Variants in ENTREP2 observed in about 807,000 individuals in gnomAD.
The protein encoded by ENTREP2 is endosomal transmembrane epsin interactor 2.
the ENTREP2 span, among the ~76,000 whole-genome samples, chr15:29,404,495 C>T: frequency 6.6e-6 from 1 of 152,014 alleles, no homozygotes; most frequent in Non-Finnish European, 1.5e-5. Flanking sequence ...ACCCAGCAGG[C>T]TGACACTGAT....
chr15:29,343,034 G>A, the ENTREP2 span, among the ~76,000 whole-genome samples: 1 of 147,248 alleles, frequency 6.8e-6, no homozygotes, highest in South Asian at 2.2e-4. Flanking sequence ...GAATGGGGGG[G>A]GTGGTTCTTC....
At chr15:29,326,418 A>G in the ENTREP2 span, among the ~76,000 whole-genome samples, 16,611 of 152,110 alleles carry the variant, frequency 0.11, 2,951 homozygotes, top group African/African-American at 0.38. Flanking sequence ...GCTTTCCCAT[A>G]TTCCAGCAAT....
chr15:29,545,331 C>A, the ENTREP2 span, among the ~76,000 whole-genome samples: 1 of 152,116 alleles, frequency 6.6e-6, no homozygotes, highest in Non-Finnish European at 1.5e-5. Flanking sequence ...GCTGTCAATG[C>A]TAAGAGGACA....
the ENTREP2 span, among the ~76,000 whole-genome samples, chr15:29,275,900 G>T: frequency 6.6e-6 from 1 of 152,176 alleles, no homozygotes; most frequent in East Asian, 1.9e-4. Context: ...GTGGAAGAAA[G>T]TGGGCCAATG....
At chr15:29,459,743 C>A in the ENTREP2 span, among the ~76,000 whole-genome samples, 1 of 152,098 alleles carries the variant, frequency 6.6e-6, no homozygotes, top group Non-Finnish European at 1.5e-5. Flanking sequence ...AGCCCATGGA[C>A]TCCCTTCTCA....
chr15:29,362,667 G>A, the ENTREP2 span, among the ~76,000 whole-genome samples: 1 of 151,994 alleles, frequency 6.6e-6, no homozygotes, highest in Non-Finnish European at 1.5e-5. Context: ...GAGCCACCGC[G>A]TCCGGCCCCT....
chr15:29,300,442 G>T, the ENTREP2 span, among the ~76,000 whole-genome samples: 1 of 144,008 alleles, frequency 6.9e-6, no homozygotes, highest in Non-Finnish European at 1.5e-5. Context: ...TGAGTGGATG[G>T]GATGGATGGA....
At chr15:29,273,952 G>A in the ENTREP2 span, among the ~76,000 whole-genome samples, 1 of 152,242 alleles carries the variant, frequency 6.6e-6, no homozygotes, top group East Asian at 1.9e-4. Flanking sequence ...CTTGCAGATG[G>A]CCTATTGTGG....
the ENTREP2 span, among the ~76,000 whole-genome samples, chr15:29,541,241 G>C: frequency 6.6e-6 from 1 of 152,096 alleles, no homozygotes; most frequent in African/African-American, 2.4e-5. Context: ...CAACTGACCC[G>C]GAGCACACTG....
At chr15:29,437,484 G>C in the ENTREP2 span, among the ~76,000 whole-genome samples, 2 of 152,166 alleles carry the variant, frequency 1.3e-5, no homozygotes, top group Non-Finnish European at 2.9e-5. Flanking sequence ...ATATAATATT[G>C]CATCTCCAAC....
At chr15:29,289,801 G>A in the ENTREP2 span, among the ~76,000 whole-genome samples, 8 of 151,582 alleles carry the variant, frequency 5.3e-5, no homozygotes, top group Admixed American at 3.3e-4. Context: ...AGCCAAGATC[G>A]CACCACTGCA....
At chr15:29,132,139 C>G in the ENTREP2 span, among the ~76,000 whole-genome samples, 1 of 151,898 alleles carries the variant, frequency 6.6e-6, no homozygotes, top group Non-Finnish European at 1.5e-5. Flanking sequence ...GCCGAGGGCA[C>G]TTTCTACGCC....
At chr15:29,614,590 C>T in the ENTREP2 span, among the ~76,000 whole-genome samples, 6 of 152,346 alleles carry the variant, frequency 3.9e-5, no homozygotes, top group African/African-American at 9.6e-5. Flanking sequence ...CTGGTACCCT[C>T]CTCCCATCTG....
the ENTREP2 span, among the ~76,000 whole-genome samples, chr15:29,336,371 G>A: frequency 1.3e-5 from 2 of 151,804 alleles, no homozygotes; most frequent in Admixed American, 6.6e-5. Context: ...GAGTGCAGTG[G>A]CGTGATCACA....
the ENTREP2 span, among the ~76,000 whole-genome samples, chr15:29,331,401 G>C: frequency 6.6e-6 from 1 of 152,004 alleles, no homozygotes; most frequent in Non-Finnish European, 1.5e-5. Flanking sequence ...ACAGGAGATG[G>C]GGAGGTCAGG....
chr15:29,472,045 G>A, the ENTREP2 span, among the ~76,000 whole-genome samples: 1 of 152,180 alleles, frequency 6.6e-6, no homozygotes, highest in African/African-American at 2.4e-5. Context: ...GCTGGGCCAA[G>A]CAACAGGGCA....
At chr15:29,500,478 A>G in the ENTREP2 span, among the ~76,000 whole-genome samples, 1 of 152,158 alleles carries the variant, frequency 6.6e-6, no homozygotes, top group Non-Finnish European at 1.5e-5. Flanking sequence ...TTAACAACAC[A>G]TTCCATTGGC....
the ENTREP2 span, chr15:29,128,709 G>C: frequency 5.8e-6 from 6 of 1,031,934 alleles, no homozygotes; most frequent in East Asian, 1.6e-4. Flanking sequence ...GAGAAGAGAA[G>C]AGAATAGGAC....
chr15:29,162,235 G>A, the ENTREP2 span, among the ~76,000 whole-genome samples: 3 of 152,188 alleles, frequency 2.0e-5, no homozygotes, highest in Non-Finnish European at 2.9e-5. Flanking sequence ...CCAGAGGAGC[G>A]AGGGTAAAAC....
Sources: allele counts gnomAD v4.1 joint callset (sites outside exome capture counted in the v4.1 genomes callset), GRCh38; gene constraint gnomAD v4.1.1; transcripts MANE v1.5; gene names NCBI Gene and HGNC (gene_info 2026-07-23, HGNC 2026-07-21).